The following SLC8B1 variants were observed in gnomAD, a reference collection of about 807,000 sequenced individuals.
SLC8B1 encodes the protein mitochondrial sodium/calcium exchanger protein.
A neutral mutation model predicts 63.4 loss-of-function variants in SLC8B1; 52 were observed. That is an observed-to-expected ratio of 0.82 (90% CI 0.66 to 1.03). The LOEUF is 1.03. Ranked by LOEUF, SLC8B1 falls within the 50% of genes least tolerant of loss-of-function variation. SLC8B1 has a pLI of 0.00. For synonymous variants in SLC8B1, 336 were observed against 323.9 expected, an observed-to-expected ratio of 1.04 and a Z score of -0.40; for missense variants, 657 against 741.7, an observed-to-expected ratio of 0.89 and a Z score of 1.33.
rs1443255079 is a variant in SLC8B1, at chr12:113,305,879, T to C, written c.1492+616A>G. Reference sequence around the variant, plus strand: ...TTTGAGAACAGCCTGGCCAACATAGTGAAACCCTGTCTCTACTAAAAATAC... The same window carrying C: ...TTTGAGAACAGCCTGGCCAACATAGCGAAACCCTGTCTCTACTAAAAATAC... On this transcript the variant is annotated intron_variant, in intron 14 of 15. Transcript: ENST00000680972. The surrounding 1 kb of genome is among the most constrained non-coding windows in gnomAD (Gnocchi z 4.3). 1.3e-5 allele frequency among the ~76,000 whole-genome samples: 2 copies of C among 151,762 alleles called. No homozygotes were observed. The highest frequency in any genetic ancestry group is 2.9e-5 in the Non-Finnish European group (2 of 67,994).
At chr12:113,328,201 A>T (rs1433472291) in intron 2 of SLC8B1, among the ~76,000 whole-genome samples, 1 of 151,898 alleles carries the variant, frequency 6.6e-6, no homozygotes, top group Non-Finnish European at 1.5e-5. Flanking sequence ...GCTAATTTTT[A>T]AATTTTTTGT....
intron 11 of SLC8B1, 39 bp from the exon 12 acceptor site, chr12:113,310,394 A>T: frequency 6.3e-7 from 1 of 1,598,228 alleles, no homozygotes; most frequent in South Asian, 1.1e-5. Flanking sequence ...CCTTCCCAGC[A>T]CCTCAACACC....
Position 113,299,576 on chromosome 12 carries a change from C to T in SLC8B1, c.*201G>A, listed in dbSNP as rs780672895. ...CAAAGCCAGGTTTCCAAGGTCCCCA[C>T]GGCAAGGCTGTTGGGTGCTGGCAGC... On this transcript the variant is annotated 3_prime_UTR_variant, in exon 16 of 16. Transcript: ENST00000680972. 1.5e-5 allele frequency: 9 copies of T among 591,930 alleles called. No homozygotes were observed. The highest frequency in any genetic ancestry group is 7.8e-5 in the South Asian group (4 of 51,314). 36.7% of individuals were successfully genotyped at this position (591,930 alleles called of 1,614,324 possible).
intron 8 of SLC8B1, among the ~76,000 whole-genome samples, chr12:113,318,243 T>A (rs1218791059): frequency 6.6e-6 from 1 of 152,134 alleles, no homozygotes; most frequent in Non-Finnish European, 1.5e-5. Flanking sequence ...TTTGTGTGTG[T>A]GTTGTGTATT....
intron 2 of SLC8B1, among the ~76,000 whole-genome samples, chr12:113,328,841 T>C (rs1273061094): frequency 6.6e-6 from 1 of 151,190 alleles, no homozygotes; most frequent in Non-Finnish European, 1.5e-5. Flanking sequence ...AACCTCCATC[T>C]CATGGGTTCA....
At chr12:113,332,634 T>C (rs780273859) in intron 2 of SLC8B1, 89 bp downstream of exon 2, 2 of 1,449,422 alleles carry the variant, frequency 1.4e-6, no homozygotes, top group Non-Finnish European at 1.8e-6. Context: ...CTGCGGTCAG[T>C]GCCTGGCACA....
At chr12:113,324,748 G>A (rs1162257410) in intron 2 of SLC8B1, among the ~76,000 whole-genome samples, 1 of 151,116 alleles carries the variant, frequency 6.6e-6, no homozygotes, top group Non-Finnish European at 1.5e-5. Flanking sequence ...CTGTCGCCTA[G>A]GCTGGAGTGC....
intron 2 of SLC8B1, among the ~76,000 whole-genome samples, chr12:113,330,815 A>G (rs1437658162): frequency 1.3e-5 from 2 of 152,080 alleles, no homozygotes; most frequent in Non-Finnish European, 2.9e-5. Context: ...TGAGTTTGGG[A>G]TTCCTGCTGA....
chr12:113,299,191 G>A lies in SLC8B1; in HGVS notation c.*586C>T, dbSNP rs529352690. Reference sequence around the variant, plus strand: ...AAGTGTGTTGCCACGAATAGCACCCGCTGCTTTTGGCTTTATTAACGTGGC... The same window carrying A: ...AAGTGTGTTGCCACGAATAGCACCCACTGCTTTTGGCTTTATTAACGTGGC... On this transcript the variant is annotated 3_prime_UTR_variant, in exon 16 of 16. Transcript: ENST00000680972. 1.7e-4 allele frequency: 27 copies of A among 156,378 alleles called. No individual in the cohort carries two copies. Among genetic ancestry groups the A allele is most frequent in the Admixed American group, 9.8e-4 (16 of 16,336 alleles). 9.7% of individuals were successfully genotyped at this position (156,378 alleles called of 1,614,324 possible). A position where few individuals can be genotyped will look rare whatever the true frequency, so the allele number is the denominator to read the frequency against.
intron 12 of SLC8B1, 33 bp downstream of exon 12, chr12:113,310,201 C>A: frequency 1.9e-6 from 3 of 1,593,786 alleles, no homozygotes; most frequent in African/African-American, 1.3e-5. Context: ...CAGCATCCCT[C>A]CCCCCCCATC....
rs1956653247 is a variant in SLC8B1, at chr12:113,305,088, C to G, written c.1493-703G>C. Among the ~76,000 whole-genome samples, 1 of 152,176 alleles carries G rather than the reference C, an allele frequency of 6.6e-6. No homozygotes were observed. Among genetic ancestry groups the G allele is most frequent in the South Asian group, 2.1e-4 (1 of 4,834 alleles). On this transcript the variant is annotated intron_variant, in intron 14 of 15. Transcript: ENST00000680972. The surrounding 1 kb of genome is among the most constrained non-coding windows in gnomAD (Gnocchi z 4.3). ...GGAATGCTTGGCGCATGTAAGCACT[C>G]AGTAGGTGGGGAAACCGAGGCCAGG...
chr12:113,323,886 C>T (rs952293790), intron 2 of SLC8B1, among the ~76,000 whole-genome samples: 1 of 152,166 alleles, frequency 6.6e-6, no homozygotes, highest in African/African-American at 2.4e-5. Flanking sequence ...CTGGCCTTCT[C>T]ACCAATTTTT....
At chr12:113,321,601 A>G (rs900968225) in intron 2 of SLC8B1, among the ~76,000 whole-genome samples, 10 of 152,084 alleles carry the variant, frequency 6.6e-5, no homozygotes, top group African/African-American at 2.4e-4. Flanking sequence ...CCGCTTTCTT[A>G]TCCCTGCCCT....
At chr12:113,311,404 C>T (rs565066460) in intron 11 of SLC8B1, among the ~76,000 whole-genome samples, 25 of 151,892 alleles carry the variant, frequency 1.6e-4, no homozygotes, top group Middle Eastern at 3.4e-3. Flanking sequence ...GAGCTGAGAT[C>T]GCACCACTGC....
chr12:113,323,115 C>T (rs184222961), intron 2 of SLC8B1, among the ~76,000 whole-genome samples: 17 of 152,224 alleles, frequency 1.1e-4, no homozygotes, highest in Admixed American at 3.9e-4. Flanking sequence ...GTGAGGACTG[C>T]TAGATGGAGG....
At chr12:113,304,231 AC>A in intron 15 of SLC8B1, 89 bp downstream of exon 15, 2 of 1,210,208 alleles carry the variant, frequency 1.7e-6, no homozygotes, top group Non-Finnish European at 1.2e-6. Context: ...AAGTGATGGG[AC>A]CCAGATCCAA....
At chr12:113,306,066 C>CAAAAAAA (rs60824560) in intron 14 of SLC8B1, among the ~76,000 whole-genome samples, 1 of 18,098 alleles carries the variant, frequency 5.5e-5, no homozygotes, top group African/African-American at 1.5e-4. Flanking sequence ...CCCCACCCTG[C>CAAAAAAA]AAAAAAAAAA....
chr12:113,325,955 T>G (rs1481565020), intron 2 of SLC8B1, among the ~76,000 whole-genome samples: 3 of 152,186 alleles, frequency 2.0e-5, no homozygotes, highest in African/African-American at 4.8e-5. Flanking sequence ...CTTGAATGAC[T>G]AAGTGATTTT....
intron 2 of SLC8B1, among the ~76,000 whole-genome samples, chr12:113,325,855 G>A (rs545634408): frequency 3.2e-4 from 49 of 152,270 alleles, no homozygotes; most frequent in Middle Eastern, 6.8e-3. Flanking sequence ...GAGCCACCGC[G>A]CCCAGCCCTG....
Sources: allele counts gnomAD v4.1 joint callset (sites outside exome capture counted in the v4.1 genomes callset), GRCh38; gene constraint gnomAD v4.1.1; non-coding constraint Gnocchi (gnomAD v3.1); transcripts MANE v1.5; gene names NCBI Gene and HGNC (gene_info 2026-07-23, HGNC 2026-07-21).